The following WIPI1 variants were observed in gnomAD, a reference collection of about 807,000 sequenced individuals.
WIPI1 encodes WD repeat domain phosphoinositide-interacting protein 1.
In WIPI1, 45 loss-of-function variants were observed where a neutral mutation model predicts 55.3. That is an observed-to-expected ratio of 0.81 (90% confidence interval 0.64 to 1.04). The LOEUF (loss-of-function observed/expected upper bound fraction) is 1.04, where lower values mean the gene tolerates loss of function less well. Among genes scored for constraint, WIPI1 ranks in the 50% least tolerant of loss-of-function variants. The pLI, the probability that WIPI1 is intolerant of heterozygous loss-of-function variation, is 0.00. For synonymous variants in WIPI1, 195 were observed against 217.6 expected (o/e 0.90, Z 0.92); for missense variants, 445 against 559.0 (o/e 0.80, Z 2.06).
intron 2 of WIPI1, among the ~76,000 whole-genome samples, chr17:68,452,369 A>C (rs1164993794): frequency 6.6e-6 from 1 of 152,344 alleles, no homozygotes; most frequent in Non-Finnish European, 1.5e-5. Context: ...GTTGGAGACC[A>C]GCCTGGCCAA....
rs76441646 is a variant in WIPI1 at position 68,457,203 on chromosome 17, C to G, written c.80+139G>C. ...GAAGGGGTACGGGGATAACAAGATC[C>G]CAATGCGTCCGAAGCAGACACCGGC... On this transcript the variant is annotated intron_variant, in intron 1 of 12. Transcript: ENST00000262139. 6 of 982,864 alleles carry G rather than the reference C, an allele frequency of 6.1e-6. No individual in the cohort carries two copies. The African/African-American group carries it at 1.0e-4, about 17-fold the overall frequency. The allele number at this position is 982,864 out of a possible 1,614,324, so 60.9% of individuals were successfully genotyped here.
chr17:68,421,894 CTGTG>C (rs2082803239), intron 12 of WIPI1, 74 bp from the exon 13 acceptor site: 1 of 1,594,410 alleles, frequency 6.3e-7, no homozygotes, highest in Non-Finnish European at 8.6e-7. Context: ...ATCAACAGGT[CTGTG>C]CCCATGCAGA....
At chr17:68,433,957 A>G (rs1007091487) in intron 7 of WIPI1, among the ~76,000 whole-genome samples, 2 of 151,542 alleles carry the variant, frequency 1.3e-5, no homozygotes, top group Admixed American at 6.6e-5. Context: ...TAATTTTTGT[A>G]TTTTTAGTAG....
At position 68,426,238 on chromosome 17, in the gene WIPI1, C is replaced by T. The variant is rs1285201365; in HGVS notation, c.1193-63G>A. The T allele has an allele frequency of 1.7e-4, 107 of 615,270 alleles. 8 individuals carry two copies. The highest frequency in any genetic ancestry group is 1.2e-4 in the Admixed American group (2 of 17,286). The allele number at this position is 615,270 out of a possible 1,614,324, so 38.1% of individuals were successfully genotyped here. A position where few individuals can be genotyped will look rare whatever the true frequency, so the allele number is the denominator to read the frequency against. ...GATCTGCTTTTATGCCATGACCTGG[C>T]GGGTGGGGAGCGGGGGCTCAAATAA... On this transcript the variant is annotated intron_variant, in intron 11 of 12. Coordinates refer to ENST00000262139, the MANE Select transcript of WIPI1 (RefSeq NM_017983.7).
chr17:68,433,760 GTTTTTTTTTTTTTTTTTTTTTTT>G (rs556777098), intron 7 of WIPI1, among the ~76,000 whole-genome samples, 185 bp from the exon 8 acceptor site: 2 of 72,814 alleles, frequency 2.7e-5, no homozygotes, highest in East Asian at 6.0e-4. Flanking sequence ...AAGGGTCATA[GTTTTTTTTTTTTTTTTTTTTTTT>G]TTTTTTTTTT....
At chr17:68,427,571 G>T (rs2083281348) in intron 10 of WIPI1, 2 of 198,286 alleles carry the variant, frequency 1.0e-5, no homozygotes, top group Admixed American at 5.7e-5. Context: ...TGGCCAGGCT[G>T]GTCTCGAACT....
intron 9 of WIPI1, 47 bp downstream of exon 9, chr17:68,429,949 A>G: frequency 6.2e-7 from 1 of 1,609,486 alleles, no homozygotes; most frequent in South Asian, 1.1e-5. Context: ...GGAAAAATAC[A>G]TTGACGAAAG....
chr17:68,448,199 A>ATCCC (rs2084362727), intron 3 of WIPI1: 1 of 152,198 alleles, frequency 6.6e-6, no homozygotes, highest in Non-Finnish European at 1.5e-5. Context: ...ACACCACAGA[A>ATCCC]TCCCTACCTG....
In WIPI1 at chr17:68,452,932, C is replaced by T. The variant is rs934652517; in HGVS notation, c.141G>A (p.Gln47=). Residue 47 remains glutamine (Q), a synonymous_variant, in exon 2 of 13, where the codon CAG becomes CAA. Coordinates refer to ENST00000262139, the MANE Select transcript of WIPI1 (RefSeq NM_017983.7). ...YKLFSLSSVE[Q]LDQVHGSNEI... ...TACTGCTTCCGTGGACTTGATCCAG[C>T]TGCTCCACAGAACTCAGAGAAAACA... 2 of 1,614,048 alleles carry T rather than the reference C, an allele frequency of 1.2e-6. No homozygotes were observed. The highest frequency in any genetic ancestry group is 1.7e-6 in the Non-Finnish European group (2 of 1,180,016).
intron 11 of WIPI1, among the ~76,000 whole-genome samples, chr17:68,426,815 G>A (rs780697147): frequency 3.4e-4 from 52 of 152,194 alleles, no homozygotes; most frequent in Non-Finnish European, 6.8e-4. Context: ...GATTACAGGT[G>A]TGAGCCAATG....
chr17:68,456,023 C>T (rs559907956), intron 1 of WIPI1, among the ~76,000 whole-genome samples: 3 of 152,062 alleles, frequency 2.0e-5, no homozygotes, highest in African/African-American at 7.2e-5. Flanking sequence ...GATCCTAAAA[C>T]GCAATTCAGT....
At chr17:68,426,453 G>A (rs956590360) in intron 11 of WIPI1, among the ~76,000 whole-genome samples, 5 of 152,028 alleles carry the variant, frequency 3.3e-5, no homozygotes, top group Non-Finnish European at 7.4e-5. Context: ...GGCTGGTCTC[G>A]AACTCCTGAG....
At chr17:68,448,149 T>C (rs1271820436) in intron 3 of WIPI1, among the ~76,000 whole-genome samples, 1 of 152,140 alleles carries the variant, frequency 6.6e-6, no homozygotes, top group Non-Finnish European at 1.5e-5. Context: ...ACACTCCCCT[T>C]GGGCCTTTAT....
At chr17:68,434,531 A>G (rs757466120) in intron 7 of WIPI1, 25 bp downstream of exon 7, 68 of 1,612,798 alleles carry the variant, frequency 4.2e-5, no homozygotes, top group Non-Finnish European at 5.6e-5. Context: ...GGGACTTTAA[A>G]ATGGGTTTGA....
intron 1 of WIPI1, 74 bp downstream of exon 1, chr17:68,457,268 G>T: frequency 6.6e-7 from 1 of 1,506,100 alleles, no homozygotes. Flanking sequence ...GCCACAAGCT[G>T]CTCTCAGGAC....
chr17:68,435,143 G>T lies in WIPI1; in HGVS notation c.621+477C>A, dbSNP rs566253359. 6.6e-4 allele frequency among the ~76,000 whole-genome samples: 99 copies of T among 151,028 alleles called. No homozygotes were observed. In the Middle Eastern group the frequency reaches 0.014, roughly 21 times the overall value. On this transcript the variant is annotated intron_variant, in intron 6 of 12. Transcript: ENST00000262139. ...AATCACTTAAACCTGGGAGGCGGAG[G>T]TTGCAGTGAGCCGAGATTGCGCCAT...
intron 4 of WIPI1, among the ~76,000 whole-genome samples, chr17:68,441,399 C>G (rs1156763244): frequency 6.6e-6 from 1 of 152,222 alleles, no homozygotes; most frequent in East Asian, 1.9e-4. Context: ...GATTTGTGTG[C>G]TGAAGACAAT....
chr17:68,437,014 A>ATGTGTGTGTGTG (rs1181984378), intron 4 of WIPI1, among the ~76,000 whole-genome samples: 15 of 82,144 alleles, frequency 1.8e-4, no homozygotes, highest in African/African-American at 3.6e-4. Flanking sequence ...AAATATATAT[A>ATGTGTGTGTGTG]TATGTGTGTG....
chr17:68,452,826 A>C (rs2084544950), intron 2 of WIPI1, 84 bp downstream of exon 2: 6 of 1,249,704 alleles, frequency 4.8e-6, no homozygotes, highest in Non-Finnish European at 6.8e-6. Flanking sequence ...AAAAATAGGC[A>C]GCTTGGTAGC....
Sources: gnomAD v4.1 joint callset for allele counts (sites outside exome capture counted in the v4.1 genomes callset) on GRCh38, gnomAD v4.1.1 for gene constraint, MANE v1.5 for transcripts, NCBI Gene and HGNC (gene_info 2026-07-23, HGNC 2026-07-21) for gene names.